PTPRD: variants seen among roughly 807,000 people sequenced by gnomAD.
PTPRD encodes the protein protein tyrosine phosphatase receptor type D.
In PTPRD, 34 loss-of-function variants were observed where a neutral mutation model predicts 214.5. That is an observed-to-expected ratio of 0.16 (90% CI 0.12 to 0.21). The LOEUF is 0.21. PTPRD is among the 10% of genes least tolerant of loss of function. The pLI, the probability that PTPRD is intolerant of heterozygous loss-of-function variation, is 1.00. For synonymous variants in PTPRD, 1,128 were observed against 845.7 expected, an observed-to-expected ratio of 1.33 and a Z score of -5.79; for missense variants, 2,545 against 2,398.7, an observed-to-expected ratio of 1.06 and a Z score of -1.27.
rs200368919 is a variant in PTPRD, at chr9:8,636,803, C to G, written c.106G>C (p.Val36Leu). The G allele has an allele frequency of 6.2e-7, 1 of 1,614,018 alleles. No individual in the cohort carries two copies. Among genetic ancestry groups the G allele is most frequent in the Non-Finnish European group, 8.5e-7 (1 of 1,179,928 alleles). ...ATGAAAGAGGCAACTCCGCCAGAGA[C>G]CCCTGTCTGATCAACGGGTGTTCGT... is the stretch of plus-strand genomic sequence containing the variant. The part of the protein sequence containing the change: ...FTRTPVDQTG[V>L]SGGVASFICQ... Residue 36 changes from valine to leucine, a missense_variant, in exon 13 of 46, where the codon GTC (valine) becomes CTC (leucine). Physicochemically the swap from Val to Leu is conservative, Grantham distance 32. Transcript: ENST00000381196.
intron 11 of PTPRD, among the ~76,000 whole-genome samples, chr9:8,789,140 T>G (rs1209538963): frequency 6.6e-6 from 1 of 152,044 alleles, no homozygotes; most frequent in Non-Finnish European, 1.5e-5. Context: ...AAGATGCCAT[T>G]TTATGGGCTC....
intron 11 of PTPRD, among the ~76,000 whole-genome samples, chr9:8,794,584 T>C (rs2096351125): frequency 6.8e-6 from 1 of 148,054 alleles, no homozygotes; most frequent in South Asian, 2.2e-4. Flanking sequence ...GCTCAAGCAA[T>C]CCTCCTGTCT....
intron 11 of PTPRD, among the ~76,000 whole-genome samples, chr9:8,890,030 C>T (rs1312854924): frequency 3.9e-5 from 6 of 152,178 alleles, no homozygotes; most frequent in South Asian, 4.1e-4. Flanking sequence ...TTTAAGGAAC[C>T]TCCACACTGT....
chr9:10,011,778 A>G (rs1006457018), intron 4 of PTPRD, among the ~76,000 whole-genome samples: 6 of 152,026 alleles, frequency 3.9e-5, no homozygotes, highest in Non-Finnish European at 8.8e-5. Flanking sequence ...CTATTAAAAC[A>G]TTAATTTGAA....
At chr9:10,435,063 G>C (rs2098708524) in intron 2 of PTPRD, among the ~76,000 whole-genome samples, 1 of 151,856 alleles carries the variant, frequency 6.6e-6, no homozygotes, top group Admixed American at 6.6e-5. Flanking sequence ...TCTCAAGTAA[G>C]AATATTTTTT....
chr9:10,173,885 T>A (rs13283791), intron 3 of PTPRD, among the ~76,000 whole-genome samples: 48,726 of 151,672 alleles, frequency 0.32, 8,018 homozygotes, highest in African/African-American at 0.39. Context: ...TGTTAAATTT[T>A]AGATAGCCAA....
chr9:10,485,550 C>G (rs759119245), intron 2 of PTPRD, among the ~76,000 whole-genome samples: 17 of 151,854 alleles, frequency 1.1e-4, no homozygotes, highest in Non-Finnish European at 2.4e-4. Context: ...CAATATTGTA[C>G]AGTTTTCATT....
chr9:9,684,276 T>A (rs561508287), intron 7 of PTPRD, among the ~76,000 whole-genome samples: 66 of 151,858 alleles, frequency 4.3e-4, no homozygotes, highest in African/African-American at 1.6e-3. Flanking sequence ...TTATTCAACA[T>A]ACCTTTCTGG....
chr9:9,559,405 G>T (rs1405858354), intron 8 of PTPRD, among the ~76,000 whole-genome samples: 1 of 152,204 alleles, frequency 6.6e-6, no homozygotes, highest in Non-Finnish European at 1.5e-5. Flanking sequence ...AAGCCTACTG[G>T]CACTTCCAAC....
At chr9:9,824,386 C>T (rs1457263388) in intron 5 of PTPRD, among the ~76,000 whole-genome samples, 1 of 151,940 alleles carries the variant, frequency 6.6e-6, no homozygotes, top group Non-Finnish European at 1.5e-5. Context: ...TTTTCACATG[C>T]TGTTTACTTG....
At chr9:9,966,243 T>TAA (rs2094690622) in intron 4 of PTPRD, among the ~76,000 whole-genome samples, 1 of 152,198 alleles carries the variant, frequency 6.6e-6, no homozygotes, top group Non-Finnish European at 1.5e-5. Flanking sequence ...TCTCAACTTC[T>TAA]AATTTATCAA....
At chr9:9,580,638 T>C (rs149628715) in intron 7 of PTPRD, among the ~76,000 whole-genome samples, 1,588 of 147,296 alleles carry the variant, frequency 0.011, 14 homozygotes, top group Non-Finnish European at 0.016. Flanking sequence ...AACCTCTGCC[T>C]CCATGATTCA....
At chr9:10,266,241 C>A (rs1006052473) in intron 3 of PTPRD, among the ~76,000 whole-genome samples, 3 of 150,898 alleles carry the variant, frequency 2.0e-5, no homozygotes, top group East Asian at 1.9e-4. Context: ...ATAAACCAAG[C>A]AATGTAAGGA....
intron 3 of PTPRD, among the ~76,000 whole-genome samples, chr9:10,089,439 T>C (rs2098403529): frequency 6.6e-6 from 1 of 151,612 alleles, no homozygotes; most frequent in Admixed American, 6.6e-5. Context: ...GACACAGTAA[T>C]GGCTATCATA....
intron 44 of PTPRD, among the ~76,000 whole-genome samples, chr9:8,321,340 G>C (rs1827234733): frequency 6.6e-6 from 1 of 151,324 alleles, no homozygotes; most frequent in Non-Finnish European, 1.5e-5. Context: ...AAAAAGAACA[G>C]ACATTGGACT....
rs189305950 is a variant in PTPRD, at chr9:9,444,570, G to T, written c.-236-47088C>A. On this transcript the variant is annotated intron_variant, in intron 8 of 45. Transcript: ENST00000381196. ...TAAACACAGATGTTTTTATGGATAT[G>T]ATAACATTTTAGAATTAAGGTATAG... Among the ~76,000 whole-genome samples the T allele has an allele frequency of 7.2e-5, 11 of 152,230 alleles. No homozygotes were observed. In the East Asian group the frequency reaches 2.1e-3, roughly 29 times the overall value.
chr9:9,862,809 A>G (rs1327105248), intron 5 of PTPRD, among the ~76,000 whole-genome samples: 2 of 152,138 alleles, frequency 1.3e-5, no homozygotes, highest in African/African-American at 2.4e-5. Context: ...AAGTATCTAC[A>G]ATTTTCTAAG....
intron 9 of PTPRD, among the ~76,000 whole-genome samples, chr9:9,194,983 A>ATG (rs2099937449): frequency 6.9e-6 from 1 of 144,004 alleles, no homozygotes. Context: ...GTTGAACCCT[A>ATG]CGTGTGTGTG....
chr9:9,842,601 C>G (rs975875576), intron 5 of PTPRD, among the ~76,000 whole-genome samples: 5 of 151,444 alleles, frequency 3.3e-5, no homozygotes, highest in Non-Finnish European at 7.4e-5. Context: ...ACCTGATATT[C>G]TGATTATGAA....
Sources: gnomAD v4.1 joint callset for allele counts (sites outside exome capture counted in the v4.1 genomes callset) on GRCh38, gnomAD v4.1.1 for gene constraint, MANE v1.5 for transcripts, NCBI Gene and HGNC (gene_info 2026-07-23, HGNC 2026-07-21) for gene names.